The following TNS3 variants were observed in gnomAD, a reference collection of about 807,000 sequenced individuals.
TNS3 encodes the protein tensin 3.
TNS3 carries 45 observed loss-of-function variants against 140.9 expected under a neutral mutation model. The observed-to-expected ratio is 0.32, with a 90% CI of 0.25 to 0.41. TNS3 has a LOEUF of 0.41. Ranked by LOEUF, TNS3 falls within the 10% of genes least tolerant of loss-of-function variation. The probability of loss-of-function intolerance (pLI) is 1.00; values close to 1 mark genes in which losing one functional copy is unlikely to be tolerated. For missense variants in TNS3, 1,716 were observed against 1,906.7 expected (o/e 0.90, Z 1.86); for synonymous variants, 815 against 788.4 (o/e 1.03, Z -0.56).
At chr7:47,420,921 T>C (rs115708442) in intron 10 of TNS3, among the ~76,000 whole-genome samples, 35 of 152,324 alleles carry the variant, frequency 2.3e-4, no homozygotes, top group African/African-American at 8.2e-4. Flanking sequence ...TTCTAGGACA[T>C]CCTGATTTCT....
rs564308479 is a variant in TNS3, at chr7:47,346,006, C to T, written c.2451+181G>A. Among the ~76,000 whole-genome samples the T allele has an allele frequency of 7.9e-5, 12 of 152,294 alleles. No homozygotes were observed. The South Asian group carries it at 2.1e-3, about 26-fold the overall frequency. Reference sequence around the variant, plus strand: ...GCACACTGTGCTCTCCCAGCCACACCGCTTGCCAGGTACAGAGGAGCCACG... The same window carrying T: ...GCACACTGTGCTCTCCCAGCCACACTGCTTGCCAGGTACAGAGGAGCCACG... On this transcript the variant is annotated intron_variant, in intron 18 of 30. Transcript: ENST00000311160.
chr7:47,566,214 G>A (rs148821273), intron 1 of TNS3, among the ~76,000 whole-genome samples: 16 of 152,220 alleles, frequency 1.1e-4, no homozygotes, highest in Non-Finnish European at 2.1e-4. Flanking sequence ...GATAGCACTC[G>A]TCCAAAAACA....
chr7:47,541,945 T>G (rs143019093), intron 1 of TNS3, among the ~76,000 whole-genome samples: 1 of 131,030 alleles, frequency 7.6e-6, no homozygotes, highest in Admixed American at 7.0e-5. Context: ...CGAGACTCCA[T>G]CTCAAAAAAA....
intron 4 of TNS3, among the ~76,000 whole-genome samples, chr7:47,454,591 C>T (rs1252076719): frequency 6.7e-6 from 1 of 149,268 alleles, no homozygotes; most frequent in Non-Finnish European, 1.5e-5. Context: ...GAGGAAAGGC[C>T]ATGGGGAGGG....
chr7:47,444,360 C>A (rs1280791228), intron 4 of TNS3, among the ~76,000 whole-genome samples: 2 of 152,222 alleles, frequency 1.3e-5, no homozygotes, highest in Admixed American at 1.3e-4. Flanking sequence ...CGCTTCAGAC[C>A]CTATGTCACG....
chr7:47,525,687 C>T (rs528471578), intron 2 of TNS3, among the ~76,000 whole-genome samples: 14 of 152,210 alleles, frequency 9.2e-5, no homozygotes, highest in Non-Finnish European at 1.6e-4. Context: ...TTCACTCAGA[C>T]GCATGCACGC....
intron 17 of TNS3, among the ~76,000 whole-genome samples, chr7:47,348,641 T>A (rs995519231): frequency 2.0e-5 from 3 of 152,316 alleles, no homozygotes; most frequent in African/African-American, 7.2e-5. Context: ...CTGTGCCCCA[T>A]AAATATGTAC....
intron 4 of TNS3, chr7:47,470,715 T>G (rs947861203): frequency 1.1e-6 from 1 of 949,778 alleles, no homozygotes; most frequent in African/African-American, 1.8e-5. Flanking sequence ...AGCCCAGGCC[T>G]CCTAGCCGGA....
intron 4 of TNS3, among the ~76,000 whole-genome samples, chr7:47,461,299 G>A (rs1164799532): frequency 6.6e-6 from 1 of 152,214 alleles, no homozygotes; most frequent in Non-Finnish European, 1.5e-5. Flanking sequence ...CCACATAAAT[G>A]AGGTCACTCC....
At chr7:47,539,119 T>A (rs1384059061) in intron 1 of TNS3, 3 of 456,632 alleles carry the variant, frequency 6.6e-6, no homozygotes, top group South Asian at 4.6e-5. Flanking sequence ...AATTCAGCAA[T>A]GAACAGATAG....
chr7:47,549,125 G>C (rs1419588005), intron 1 of TNS3, among the ~76,000 whole-genome samples: 1 of 152,074 alleles, frequency 6.6e-6, no homozygotes, highest in Non-Finnish European at 1.5e-5. Flanking sequence ...CTTAAGACAG[G>C]AATCAGGACA....
At chr7:47,456,566 T>C (rs372599246) in intron 4 of TNS3, among the ~76,000 whole-genome samples, 4 of 152,120 alleles carry the variant, frequency 2.6e-5, no homozygotes, top group African/African-American at 9.7e-5. Context: ...ATTATTACTA[T>C]TGGGGCAATC....
At chr7:47,321,193 CCT>C (rs1787716274) in intron 20 of TNS3, among the ~76,000 whole-genome samples, 2 of 152,220 alleles carry the variant, frequency 1.3e-5, no homozygotes, top group Admixed American at 1.3e-4. Flanking sequence ...TCCCGATTCT[CCT>C]CTCTTTGTGT....
intron 4 of TNS3, among the ~76,000 whole-genome samples, chr7:47,458,401 G>T (rs1170506447): frequency 6.6e-6 from 1 of 152,246 alleles, no homozygotes. Context: ...ATCTGGAAGT[G>T]CCTCATGAGT....
intron 10 of TNS3, among the ~76,000 whole-genome samples, chr7:47,415,513 C>A (rs1794032334): frequency 6.6e-6 from 1 of 152,252 alleles, no homozygotes; most frequent in South Asian, 2.1e-4. Context: ...CCACAGGCCA[C>A]AGGCCATCAC....
intron 16 of TNS3, among the ~76,000 whole-genome samples, chr7:47,375,336 G>A (rs1454711985): frequency 6.6e-6 from 1 of 152,220 alleles, no homozygotes; most frequent in Non-Finnish European, 1.5e-5. Context: ...GCTGTCCACT[G>A]TCTGGCAACG....
chr7:47,455,553 G>A (rs1449513373), intron 4 of TNS3, among the ~76,000 whole-genome samples: 2 of 152,110 alleles, frequency 1.3e-5, no homozygotes, highest in Non-Finnish European at 2.9e-5. Context: ...TTTGCAGGAG[G>A]GCTAGCCCAT....
At position 47,365,767 on chromosome 7, in the gene TNS3, T is replaced by A. The variant is rs553156612; in HGVS notation, c.2281+2598A>T. Reference sequence around the variant, plus strand: ...AGAGTGAGACTCTGTCTCAAAAAAATAAATAAAAAAATAAAGTAATGAGTT... The same window carrying A: ...AGAGTGAGACTCTGTCTCAAAAAAAAAAATAAAAAAATAAAGTAATGAGTT... On this transcript the variant is annotated intron_variant, in intron 17 of 30. Coordinates refer to ENST00000311160, the MANE Select transcript of TNS3 (RefSeq NM_022748.12). Among the ~76,000 whole-genome samples the A allele has an allele frequency of 8.6e-5, 13 of 151,948 alleles. 1 individual carries two copies. The South Asian group carries it at 2.7e-3, about 32-fold the overall frequency.
chr7:47,340,576 C>CTTTTTTTCCTTTT (rs1584436651), intron 20 of TNS3, among the ~76,000 whole-genome samples: 3 of 130,174 alleles, frequency 2.3e-5, no homozygotes, highest in Non-Finnish European at 4.8e-5. Context: ...CTGGGATTTT[C>CTTTTTTTCCTTTT]TTTTTTTTCT....
Sources: allele counts gnomAD v4.1 joint callset (sites outside exome capture counted in the v4.1 genomes callset), GRCh38; gene constraint gnomAD v4.1.1; transcripts MANE v1.5; gene names NCBI Gene and HGNC (gene_info 2026-07-23, HGNC 2026-07-21).